RIN3: variants seen among roughly 807,000 people sequenced by gnomAD.
The protein encoded by RIN3 is Ras and Rab interactor 3.
A neutral mutation model predicts 76.3 loss-of-function variants in RIN3; 54 were observed. The observed-to-expected ratio is 0.71, with a 90% CI of 0.57 to 0.89. The LOEUF is 0.89. Ranked by LOEUF, RIN3 falls within the 40% of genes least tolerant of loss-of-function variation. The probability of loss-of-function intolerance (pLI) is 0.00; values close to 1 mark genes in which losing one functional copy is unlikely to be tolerated. For synonymous variants in RIN3, 576 were observed against 564.0 expected (o/e 1.02, Z -0.30); for missense variants, 1,256 against 1,322.1 (o/e 0.95, Z 0.78).
intron 2 of RIN3, among the ~76,000 whole-genome samples, chr14:92,563,086 GC>G (rs1161898296): frequency 6.6e-6 from 1 of 152,194 alleles, no homozygotes; most frequent in Non-Finnish European, 1.5e-5. Flanking sequence ...TGGGCCAGGT[GC>G]AGTGACTCCT....
chr14:92,676,769 G>A (rs1888479915), intron 8 of RIN3, among the ~76,000 whole-genome samples, 163 bp downstream of exon 8: 1 of 152,196 alleles, frequency 6.6e-6, no homozygotes. Context: ...CTGTCCTGCA[G>A]GAGCTCACAG....
intron 3 of RIN3, among the ~76,000 whole-genome samples, chr14:92,611,368 C>G (rs570742864): frequency 7.1e-4 from 108 of 152,292 alleles, no homozygotes; most frequent in African/African-American, 2.5e-3. Flanking sequence ...CTCTGCCTCC[C>G]AGGTTCAAGC....
chr14:92,519,735 G>T (rs1018742329), intron 1 of RIN3, among the ~76,000 whole-genome samples: 1 of 152,204 alleles, frequency 6.6e-6, no homozygotes, highest in Non-Finnish European at 1.5e-5. Context: ...CGGCAGTGAC[G>T]CTGTGTGCCT....
intron 3 of RIN3, among the ~76,000 whole-genome samples, chr14:92,614,633 C>G (rs982414665): frequency 6.6e-6 from 1 of 151,796 alleles, no homozygotes; most frequent in African/African-American, 2.4e-5. Context: ...CCATACTGTT[C>G]TCCTGGTAGT....
intron 7 of RIN3, among the ~76,000 whole-genome samples, chr14:92,666,403 T>C (rs1273166037): frequency 6.6e-6 from 1 of 152,240 alleles, no homozygotes; most frequent in Non-Finnish European, 1.5e-5. Context: ...CTCTAAAGCC[T>C]GTGCTTCTAT....
rs114988000 is a variant in RIN3 at position 92,619,119 on chromosome 14, C to T, written c.440+3640C>T. ...TTGTAACACATATTAGTATTATTCA[C>T]AAAAATATAACCTAAGGAAGATCGA... is the stretch of plus-strand genomic sequence containing the variant. On this transcript the variant is annotated intron_variant, in intron 4 of 9. Transcript: ENST00000216487. Among the ~76,000 whole-genome samples the T allele has an allele frequency of 4.3e-3, 662 of 152,212 alleles. 4 individuals are homozygous for T. Among genetic ancestry groups the T allele is most frequent in the African/African-American group, 0.015 (621 of 41,522 alleles).
At chr14:92,584,496 A>G (rs577088974) in intron 3 of RIN3, among the ~76,000 whole-genome samples, 1 of 152,208 alleles carries the variant, frequency 6.6e-6, no homozygotes, top group East Asian at 1.9e-4. Context: ...TTGAACAAGC[A>G]TTATGTGAAC....
chr14:92,582,353 C>T (rs959804628), intron 3 of RIN3, among the ~76,000 whole-genome samples: 1 of 152,042 alleles, frequency 6.6e-6, no homozygotes, highest in African/African-American at 2.4e-5. Flanking sequence ...TAACCTAACA[C>T]TTCCATCATC....
intron 4 of RIN3, 98 bp from the exon 5 acceptor site, chr14:92,641,140 C>G (rs1193498280): frequency 1.1e-6 from 1 of 932,312 alleles, no homozygotes; most frequent in Non-Finnish European, 1.7e-6. Context: ...TATGGAGACC[C>G]TGGCAGCCAG....
At chr14:92,605,877 G>C (rs1885508349) in intron 3 of RIN3, among the ~76,000 whole-genome samples, 1 of 152,190 alleles carries the variant, frequency 6.6e-6, no homozygotes, top group South Asian at 2.1e-4. Context: ...GAGAAGAATT[G>C]ACCGTTAATT....
chr14:92,594,203 C>T (rs182398069), intron 3 of RIN3, among the ~76,000 whole-genome samples: 61 of 152,200 alleles, frequency 4.0e-4, no homozygotes, highest in Admixed American at 3.2e-3. Context: ...GAGGCCAAGG[C>T]GGGCAGATCA....
At position 92,537,634 on chromosome 14, in the gene RIN3, C is replaced by CTTTTTTTTTTTTTTTTT. The variant is rs576683908; in HGVS notation, c.45-18106_45-18090dup. On this transcript the variant is annotated intron_variant, in intron 1 of 9. Coordinates refer to ENST00000216487, the MANE Select transcript of RIN3 (RefSeq NM_024832.5). ...CAGCTATAAGTGAGTGCCTTAGGGA[C>CTTTTTTTTTTTTTTTTT]TTTTTTTTTTTTTTTTTTTTTTTTT... Among the ~76,000 whole-genome samples, 106 of 51,644 alleles carry CTTTTTTTTTTTTTTTTT rather than the reference C, an allele frequency of 2.1e-3. 7 individuals are homozygous for CTTTTTTTTTTTTTTTTT. The highest frequency in any genetic ancestry group is 2.5e-3 in the Non-Finnish European group (75 of 29,564). The allele number at this position is 51,644 out of a possible 152,430, so 33.9% of individuals were successfully genotyped here. A position where few individuals can be genotyped will look rare whatever the true frequency, so the allele number is the denominator to read the frequency against.
intron 4 of RIN3, among the ~76,000 whole-genome samples, chr14:92,626,570 C>T (rs1382440372): frequency 6.6e-6 from 1 of 152,164 alleles, no homozygotes; most frequent in Non-Finnish European, 1.5e-5. Context: ...TTTGAATATC[C>T]TTCTTACATG....
At chr14:92,562,906 C>T (rs1004951602) in intron 2 of RIN3, among the ~76,000 whole-genome samples, 3 of 152,044 alleles carry the variant, frequency 2.0e-5, no homozygotes, top group African/African-American at 7.2e-5. Context: ...TAAAAGAAAC[C>T]TCTTTTAAGG....
At chr14:92,569,912 G>A (rs558414559) in intron 2 of RIN3, among the ~76,000 whole-genome samples, 5 of 152,290 alleles carry the variant, frequency 3.3e-5, no homozygotes, top group African/African-American at 1.2e-4. Flanking sequence ...CTATAGGCAA[G>A]GGTCTTCTAT....
chr14:92,602,926 C>G (rs1008211362), intron 3 of RIN3, among the ~76,000 whole-genome samples: 1 of 152,198 alleles, frequency 6.6e-6, no homozygotes, highest in Non-Finnish European at 1.5e-5. Context: ...TTCAGTGGTT[C>G]CCTGTCCAGG....
At chr14:92,551,801 T>C (rs541602499) in intron 1 of RIN3, among the ~76,000 whole-genome samples, 141 of 152,372 alleles carry the variant, frequency 9.3e-4, no homozygotes, top group African/African-American at 3.2e-3. Context: ...ATTGATTTGC[T>C]TGGTCTCTGT....
chr14:92,602,471 C>T (rs1053595804), intron 3 of RIN3, among the ~76,000 whole-genome samples: 4 of 152,180 alleles, frequency 2.6e-5, no homozygotes, highest in African/African-American at 4.8e-5. Flanking sequence ...TACTGGCTGG[C>T]GGGCCATGGT....
intron 1 of RIN3, among the ~76,000 whole-genome samples, chr14:92,537,837 AT>A (rs34059728): frequency 8.3e-6 from 1 of 120,782 alleles, no homozygotes; most frequent in Non-Finnish European, 1.8e-5. Context: ...ATTTTATTTT[AT>A]TTATTTTTTT....
Sources: allele counts gnomAD v4.1 joint callset (sites outside exome capture counted in the v4.1 genomes callset), GRCh38; gene constraint gnomAD v4.1.1; transcripts MANE v1.5; gene names NCBI Gene and HGNC (gene_info 2026-07-23, HGNC 2026-07-21).